DAP: variants seen among roughly 807,000 people sequenced by gnomAD.
The protein encoded by DAP is death-associated protein 1.
A neutral mutation model predicts 13.8 loss-of-function variants in DAP; 8 were observed. The observed-to-expected ratio is 0.58, with a 90% CI of 0.34 to 1.05. The LOEUF (loss-of-function observed/expected upper bound fraction) is 1.05, where lower values mean the gene tolerates loss of function less well. DAP is among the 50% of genes least tolerant of loss of function. The pLI is 0.03. For synonymous variants in DAP, 47 were observed against 47.5 expected, an observed-to-expected ratio of 0.99 and a Z score of 0.04; for missense variants, 106 against 133.2, an observed-to-expected ratio of 0.80 and a Z score of 1.01.
intron 2 of DAP, among the ~76,000 whole-genome samples, chr5:10,729,080 G>A (rs923304979): frequency 6.6e-6 from 1 of 151,978 alleles, no homozygotes; most frequent in Non-Finnish European, 1.5e-5. Flanking sequence ...CTCAACCCAC[G>A]GAACTTATTT....
intron 2 of DAP, among the ~76,000 whole-genome samples, chr5:10,721,033 G>C (rs1739123412): frequency 6.6e-6 from 1 of 152,192 alleles, no homozygotes; most frequent in East Asian, 1.9e-4. Flanking sequence ...GTCTTACCAT[G>C]TTCTCCATCA....
At chr5:10,743,530 G>A (rs1739815271) in intron 2 of DAP, among the ~76,000 whole-genome samples, 1 of 152,002 alleles carries the variant, frequency 6.6e-6, no homozygotes, top group Non-Finnish European at 1.5e-5. Context: ...TTCTTTTCTG[G>A]TTTACCCCTC....
chr5:10,759,775 G>T (rs1406894524), intron 1 of DAP, among the ~76,000 whole-genome samples: 1 of 115,922 alleles, frequency 8.6e-6, no homozygotes, highest in African/African-American at 3.0e-5. Flanking sequence ...TTTTGAGATG[G>T]AGTCTCGCTC....
intron 1 of DAP, 69 bp downstream of exon 1, chr5:10,760,945 G>C (rs887674188): frequency 9.6e-7 from 1 of 1,043,778 alleles, no homozygotes; most frequent in Non-Finnish European, 1.2e-6. Flanking sequence ...CGGAGCCCCC[G>C]CCCGGCGCCC....
intron 2 of DAP, among the ~76,000 whole-genome samples, chr5:10,691,132 C>T (rs1235233126): frequency 6.6e-6 from 1 of 152,170 alleles, no homozygotes; most frequent in Admixed American, 6.5e-5. Context: ...AAGTCGCCCC[C>T]AAAATTCTTC....
chr5:10,735,793 T>G (rs1269402525), intron 2 of DAP, among the ~76,000 whole-genome samples: 1 of 152,134 alleles, frequency 6.6e-6, no homozygotes, highest in Non-Finnish European at 1.5e-5. Flanking sequence ...TATCGTGCTG[T>G]CATTGCTGTT....
intron 2 of DAP, among the ~76,000 whole-genome samples, chr5:10,711,623 C>T (rs562631014): frequency 6.6e-6 from 1 of 152,312 alleles, no homozygotes; most frequent in South Asian, 2.1e-4. Context: ...GGAGTCGGTG[C>T]TTCTCACCAC....
Position 10,761,196 on chromosome 5 carries a change from C to CGCCGGGGCCGCGCGA in DAP, c.-143_-129dup. On this transcript the variant is annotated 5_prime_UTR_variant, in exon 1 of 4. Transcript: ENST00000230895. ...GGGAGAACGACGCGCGCGCGTGGGGCGCCGGGGCCGCGCGAGCCGGGTGAG... is the reference window on the plus strand; with the variant it reads ...GGGAGAACGACGCGCGCGCGTGGGGCGCCGGGGCCGCGCGAGCCGGGGCCGCGCGAGCCGGGTGAG... 2.7e-6 allele frequency: 1 copy of CGCCGGGGCCGCGCGA among 365,406 alleles called. No individual in the cohort carries two copies. Among genetic ancestry groups the CGCCGGGGCCGCGCGA allele is most frequent in the South Asian group, 1.2e-4 (1 of 8,676 alleles). The allele number at this position is 365,406 out of a possible 1,614,324, so 22.6% of individuals were successfully genotyped here. A position where few individuals can be genotyped will look rare whatever the true frequency, so the allele number is the denominator to read the frequency against.
chr5:10,734,986 A>G (rs955484108), intron 2 of DAP, among the ~76,000 whole-genome samples: 1 of 152,202 alleles, frequency 6.6e-6, no homozygotes, highest in Non-Finnish European at 1.5e-5. Flanking sequence ...GCCGCCACCC[A>G]AAGGCCTCCA....
chr5:10,695,705 C>A (rs189209895), intron 2 of DAP, among the ~76,000 whole-genome samples: 1 of 152,150 alleles, frequency 6.6e-6, no homozygotes, highest in African/African-American at 2.4e-5. Flanking sequence ...GATTTCAGGA[C>A]AAAACTTCAT....
chr5:10,747,016 G>T (rs1739922233), intron 2 of DAP, among the ~76,000 whole-genome samples: 1 of 152,186 alleles, frequency 6.6e-6, no homozygotes, highest in Admixed American at 6.5e-5. Context: ...CCTCTTTGGG[G>T]TTCTGTTTCC....
rs1190233355 is a variant in DAP, at chr5:10,761,124, G to T, written c.-56C>A. 1.0e-5 allele frequency: 11 copies of T among 1,077,260 alleles called. No individual in the cohort carries two copies. Among genetic ancestry groups the T allele is most frequent in the African/African-American group, 8.4e-5 (5 of 59,792 alleles). The allele number at this position is 1,077,260 out of a possible 1,614,324, so 66.7% of individuals were successfully genotyped here. ...GGCGGCGCGGTTCTCGGGCCGGGCG[G>T]GCGTGCGCGAGTGAGCTCAGGTGTG... On this transcript the variant is annotated 5_prime_UTR_variant, in exon 1 of 4. Coordinates refer to ENST00000230895, the MANE Select transcript of DAP (RefSeq NM_004394.3).
In DAP at chr5:10,679,272, C is replaced by T. The variant is rs1382571714; in HGVS notation, c.*1784G>A. On this transcript the variant is annotated 3_prime_UTR_variant, in exon 4 of 4. Coordinates refer to ENST00000230895, the MANE Select transcript of DAP (RefSeq NM_004394.3). ...GCTTTATTATAAATCATTTAATATT[C>T]TTGAAGTTAACAACTGATAAACTCA... is the stretch of plus-strand genomic sequence containing the variant. 1 of 152,350 alleles carries T rather than the reference C, an allele frequency of 6.6e-6. No individual in the cohort carries two copies. The highest frequency in any genetic ancestry group is 2.4e-5 in the African/African-American group (1 of 41,454). 9.4% of individuals were successfully genotyped at this position (152,350 alleles called of 1,614,324 possible). A position where few individuals can be genotyped will look rare whatever the true frequency, so the allele number is the denominator to read the frequency against.
At chr5:10,697,961 G>C (rs1349201791) in intron 2 of DAP, among the ~76,000 whole-genome samples, 1 of 152,184 alleles carries the variant, frequency 6.6e-6, no homozygotes, top group Non-Finnish European at 1.5e-5. Flanking sequence ...CATCTAGCAA[G>C]AATCAAAGCC....
chr5:10,681,011 G>C lies in DAP; in HGVS notation c.*45C>G. 2.6e-6 allele frequency: 4 copies of C among 1,557,520 alleles called. No individual in the cohort carries two copies. The highest frequency in any genetic ancestry group is 3.5e-6 in the Non-Finnish European group (4 of 1,150,180). ...GTTCTCTCTGTCAGGGAAATACCAA[G>C]TGCAGCAGAGCCGGGGCCATGGGGC... On this transcript the variant is annotated 3_prime_UTR_variant, in exon 4 of 4. Coordinates refer to ENST00000230895, the MANE Select transcript of DAP (RefSeq NM_004394.3).
intron 2 of DAP, among the ~76,000 whole-genome samples, chr5:10,730,641 G>A (rs1462319646): frequency 8.0e-5 from 11 of 137,728 alleles, no homozygotes; most frequent in Middle Eastern, 4.3e-3. Flanking sequence ...TGAGAGCCCT[G>A]GTAGGGGGGA....
intron 2 of DAP, among the ~76,000 whole-genome samples, chr5:10,703,917 C>CA (rs1314900889): frequency 1.3e-5 from 2 of 152,194 alleles, no homozygotes; most frequent in African/African-American, 2.4e-5. Flanking sequence ...TATGGCTTCA[C>CA]AAAAAATACA....
At chr5:10,746,980 G>C (rs760175596) in intron 2 of DAP, among the ~76,000 whole-genome samples, 3 of 152,164 alleles carry the variant, frequency 2.0e-5, no homozygotes, top group African/African-American at 7.2e-5. Flanking sequence ...TACCTAGCAC[G>C]GTGCATGATA....
chr5:10,711,547 C>T (rs1738853558), intron 2 of DAP, among the ~76,000 whole-genome samples: 1 of 152,184 alleles, frequency 6.6e-6, no homozygotes, highest in Admixed American at 6.5e-5. Context: ...GCCATAACTT[C>T]TACGCTCTCT....
Sources: allele counts gnomAD v4.1 joint callset (sites outside exome capture counted in the v4.1 genomes callset), GRCh38; gene constraint gnomAD v4.1.1; transcripts MANE v1.5; gene names NCBI Gene and HGNC (gene_info 2026-07-23, HGNC 2026-07-21).